The following KIFAP3 variants were observed in gnomAD, a reference collection of about 807,000 sequenced individuals.
KIFAP3 encodes kinesin associated protein 3.
In KIFAP3, 68 loss-of-function variants were observed where a neutral mutation model predicts 106.5. The observed-to-expected ratio is 0.64, with a 90% CI of 0.53 to 0.78. The LOEUF (loss-of-function observed/expected upper bound fraction) is 0.78, where lower values mean the gene tolerates loss of function less well. Among genes scored for constraint, KIFAP3 ranks in the 30% least tolerant of loss-of-function variants. KIFAP3 has a pLI of 0.00. For synonymous variants in KIFAP3, 320 were observed against 311.5 expected (o/e 1.03, Z -0.29); for missense variants, 780 against 941.8 (o/e 0.83, Z 2.25).
intron 17 of KIFAP3, 109 bp downstream of exon 17, chr1:169,972,404 A>C: frequency 1.6e-6 from 1 of 627,236 alleles, no homozygotes; most frequent in Non-Finnish European, 2.8e-6. Flanking sequence ...ATCTTACCAA[A>C]ATACAAAGTT....
At chr1:170,061,188 T>C (rs1671132397) in intron 1 of KIFAP3, among the ~76,000 whole-genome samples, 1 of 152,168 alleles carries the variant, frequency 6.6e-6, no homozygotes. Context: ...AAAGAGCTTC[T>C]GCACAGCAAA....
chr1:169,967,245 C>T (rs1271997670), intron 17 of KIFAP3, among the ~76,000 whole-genome samples: 1 of 151,810 alleles, frequency 6.6e-6, no homozygotes, highest in Non-Finnish European at 1.5e-5. Flanking sequence ...AGTAAAGATA[C>T]ACAGTACTTT....
chr1:170,047,620 C>CAAAAAA (rs1165754265), intron 2 of KIFAP3, among the ~76,000 whole-genome samples: 1 of 46,196 alleles, frequency 2.2e-5, no homozygotes, highest in Non-Finnish European at 4.6e-5. Context: ...GGCTCTGTCT[C>CAAAAAA]AAAAAAAAAA....
At chr1:169,938,923 A>G (rs537355894) in intron 19 of KIFAP3, among the ~76,000 whole-genome samples, 5 of 152,218 alleles carry the variant, frequency 3.3e-5, no homozygotes, top group Non-Finnish European at 7.3e-5. Context: ...AAGGGAGTCC[A>G]GAGTGGGTAG....
intron 18 of KIFAP3, among the ~76,000 whole-genome samples, chr1:169,957,220 A>T (rs896014574): frequency 1.3e-5 from 2 of 152,246 alleles, no homozygotes; most frequent in African/African-American, 2.4e-5. Flanking sequence ...AAAGATATTA[A>T]CAAGGAACTA....
intron 8 of KIFAP3, among the ~76,000 whole-genome samples, chr1:170,026,090 G>A (rs1669088083): frequency 6.6e-6 from 1 of 152,134 alleles, no homozygotes; most frequent in Admixed American, 6.5e-5. Flanking sequence ...GGCAGAGACT[G>A]GAGTGATGTA....
At chr1:169,989,345 T>C (rs1447721174) in intron 11 of KIFAP3, among the ~76,000 whole-genome samples, 3 of 152,050 alleles carry the variant, frequency 2.0e-5, no homozygotes, top group African/African-American at 4.8e-5. Flanking sequence ...TTTTATTTAA[T>C]GCTATTCTCT....
chr1:169,988,840 T>C (rs1338135471), intron 11 of KIFAP3, among the ~76,000 whole-genome samples: 1 of 152,020 alleles, frequency 6.6e-6, no homozygotes, highest in Non-Finnish European at 1.5e-5. Context: ...AGCAAATATA[T>C]TGTACAGTAT....
chr1:170,043,079 A>C (rs1031415444), intron 3 of KIFAP3, among the ~76,000 whole-genome samples: 2 of 152,230 alleles, frequency 1.3e-5, no homozygotes, highest in African/African-American at 4.8e-5. Context: ...GGCATAGCCT[A>C]GCTGCAGTTC....
chr1:169,997,866 C>CAAAA (rs11297528), intron 10 of KIFAP3, among the ~76,000 whole-genome samples: 1 of 74,100 alleles, frequency 1.3e-5, no homozygotes, highest in Non-Finnish European at 2.5e-5. Flanking sequence ...TGAGACGTCT[C>CAAAA]AAAAAAAAAA....
Position 169,987,187 on chromosome 1 carries a change from C to T in KIFAP3, c.1285-2497G>A, listed in dbSNP as rs568636064. On this transcript the variant is annotated intron_variant, in intron 11 of 19. Coordinates refer to ENST00000361580, the MANE Select transcript of KIFAP3 (RefSeq NM_014970.4). ...GGCACTTCAAAAGTAAGTGTAATTGCTGACAACTAGAAAATATTAAAACTA... is the reference window on the plus strand; with the variant it reads ...GGCACTTCAAAAGTAAGTGTAATTGTTGACAACTAGAAAATATTAAAACTA... Among the ~76,000 whole-genome samples the T allele has an allele frequency of 2.6e-5, 4 of 152,154 alleles. No homozygotes were observed. In the East Asian group the frequency reaches 7.7e-4, roughly 29 times the overall value.
intron 8 of KIFAP3, among the ~76,000 whole-genome samples, chr1:170,030,198 T>A (rs1353350330): frequency 2.6e-5 from 4 of 151,900 alleles, no homozygotes; most frequent in Non-Finnish European, 5.9e-5. Context: ...ATGTATCTGA[T>A]AAATGCTTAT....
chr1:170,001,653 A>C (rs1667674654), intron 10 of KIFAP3, among the ~76,000 whole-genome samples: 1 of 152,150 alleles, frequency 6.6e-6, no homozygotes, highest in Admixed American at 6.5e-5. Context: ...TGTGTTCTGA[A>C]ACAGATGTGT....
chr1:169,972,143 T>C (rs1346962350), intron 17 of KIFAP3, among the ~76,000 whole-genome samples: 1 of 151,958 alleles, frequency 6.6e-6, no homozygotes, highest in Non-Finnish European at 1.5e-5. Flanking sequence ...AAATAGCTGA[T>C]ACAAGATTTG....
chr1:170,026,269 C>T (rs1439783278), intron 8 of KIFAP3, among the ~76,000 whole-genome samples: 1 of 152,098 alleles, frequency 6.6e-6, no homozygotes, highest in Non-Finnish European at 1.5e-5. Context: ...TTGTTTTAAG[C>T]CACCCGGTTT....
Position 169,921,757 on chromosome 1 carries a change from T to C in KIFAP3, c.2298A>G (p.Gln766=), listed in dbSNP as rs775934202. The C allele has an allele frequency of 1.9e-6, 3 of 1,613,724 alleles. No individual in the cohort carries two copies. The highest frequency in any genetic ancestry group is 1.7e-5 in the Admixed American group (1 of 59,994). The change falls in exon 20 of 20, where the codon CAA becomes CAG. Residue 766 remains glutamine (Q), a synonymous_variant. Coordinates refer to ENST00000361580, the MANE Select transcript of KIFAP3 (RefSeq NM_014970.4). ...PGSLGMDGFG[Q]PVGILGRPAT... is the part of the protein sequence containing the mutation. ...CAGGGCGTCCAAGAATGCCAACTGG[T>C]TGGCCAAAGCCATCCATTCCAAGGC...
chr1:169,963,684 G>C (rs1382076910), intron 17 of KIFAP3, among the ~76,000 whole-genome samples: 1 of 152,016 alleles, frequency 6.6e-6, no homozygotes, highest in African/African-American at 2.4e-5. Flanking sequence ...GGTAGAGATG[G>C]GGTTTCACCA....
At chr1:170,049,309 TGCA>T (rs1670451606) in intron 2 of KIFAP3, among the ~76,000 whole-genome samples, 1 of 152,160 alleles carries the variant, frequency 6.6e-6, no homozygotes, top group South Asian at 2.1e-4. Flanking sequence ...AAGAAGGAAA[TGCA>T]GCAGCCTTAG....
intron 19 of KIFAP3, among the ~76,000 whole-genome samples, chr1:169,932,541 C>A (rs1020051866): frequency 6.6e-6 from 1 of 152,032 alleles, no homozygotes; most frequent in Non-Finnish European, 1.5e-5. Context: ...GCTATATCAA[C>A]TCCCCATCTT....
Sources: allele counts gnomAD v4.1 joint callset (sites outside exome capture counted in the v4.1 genomes callset), GRCh38; gene constraint gnomAD v4.1.1; transcripts MANE v1.5; gene names NCBI Gene and HGNC (gene_info 2026-07-23, HGNC 2026-07-21).